TBC1D9: variants seen among roughly 807,000 people sequenced by gnomAD.
The protein encoded by TBC1D9 is TBC1 domain family member 9A.
Under a neutral mutation model 132.0 loss-of-function variants are expected in TBC1D9, and 63 were observed. The ratio of observed to expected loss-of-function variants is 0.48; its 90% CI spans 0.39 to 0.59. The LOEUF is 0.59. TBC1D9 is among the 20% of genes least tolerant of loss of function. TBC1D9 has a pLI of 0.00. For missense variants in TBC1D9, 1,261 were observed against 1,592.7 expected (o/e 0.79, Z 3.54); for synonymous variants, 610 against 609.9 (o/e 1.00, Z 0.00).
At chr4:140,753,277 A>C in intron 1 of TBC1D9, among the ~76,000 whole-genome samples, 1 of 149,754 alleles carries the variant, frequency 6.7e-6, no homozygotes, top group Middle Eastern at 3.4e-3. Flanking sequence ...TTCCTTTTCT[A>C]GCGATAAGGT....
At chr4:140,723,650 A>G (rs1738456152) in intron 1 of TBC1D9, among the ~76,000 whole-genome samples, 1 of 152,178 alleles carries the variant, frequency 6.6e-6, no homozygotes, top group African/African-American at 2.4e-5. Context: ...CCAGTCTTTA[A>G]CATAGATTCC....
chr4:140,735,512 G>A (rs1364027509), intron 1 of TBC1D9, among the ~76,000 whole-genome samples: 4 of 152,100 alleles, frequency 2.6e-5, no homozygotes, highest in Admixed American at 2.0e-4. Flanking sequence ...AAGAGTTGGA[G>A]ACTAGCCTGG....
intron 1 of TBC1D9, among the ~76,000 whole-genome samples, chr4:140,707,476 G>C (rs1738166432): frequency 6.6e-6 from 1 of 152,108 alleles, no homozygotes; most frequent in Non-Finnish European, 1.5e-5. Flanking sequence ...TTCCTCTCCA[G>C]TGCATCACTT....
At chr4:140,671,035 C>A in intron 6 of TBC1D9, 109 bp from the exon 7 acceptor site, 2 of 895,300 alleles carry the variant, frequency 2.2e-6, no homozygotes, top group Non-Finnish European at 3.5e-6. Context: ...CTATAGGAAC[C>A]ACCTATATTT....
At chr4:140,709,172 C>T (rs995099943) in intron 1 of TBC1D9, among the ~76,000 whole-genome samples, 6 of 150,456 alleles carry the variant, frequency 4.0e-5, no homozygotes, top group African/African-American at 1.5e-4. Context: ...TGTATCATGG[C>T]TGCCTTCAAG....
chr4:140,707,438 T>C (rs1197822043), intron 1 of TBC1D9, among the ~76,000 whole-genome samples: 3 of 152,220 alleles, frequency 2.0e-5, no homozygotes, highest in South Asian at 4.1e-4. Flanking sequence ...ATATCTTCTA[T>C]ACACATGCAA....
At chr4:140,732,507 T>C (rs1441767925) in intron 1 of TBC1D9, among the ~76,000 whole-genome samples, 1 of 152,268 alleles carries the variant, frequency 6.6e-6, no homozygotes, top group Non-Finnish European at 1.5e-5. Flanking sequence ...TTTAGGACAT[T>C]GTTACTGTTT....
intron 13 of TBC1D9, chr4:140,642,821 C>A (rs1448686800): frequency 1.7e-6 from 1 of 602,590 alleles, no homozygotes; most frequent in Non-Finnish European, 2.9e-6. Context: ...CCCCCTCTTG[C>A]GGGCGGGCGA....
chr4:140,623,037 C>G (rs1355299542), intron 20 of TBC1D9, 120 bp from the exon 21 acceptor site: 3 of 1,253,366 alleles, frequency 2.4e-6, no homozygotes, highest in African/African-American at 3.1e-5. Context: ...AGTCCTCCGC[C>G]TAGGCTGGAT....
At chr4:140,647,913 C>CG (rs1203328485) in intron 13 of TBC1D9, among the ~76,000 whole-genome samples, 1 of 151,624 alleles carries the variant, frequency 6.6e-6, no homozygotes, top group African/African-American at 2.4e-5. Flanking sequence ...CTCCCTCCCC[C>CG]GACTTTGGGG....
chr4:140,689,642 T>C (rs1239136079), intron 2 of TBC1D9, among the ~76,000 whole-genome samples: 8 of 9,510 alleles, frequency 8.4e-4, no homozygotes, highest in Admixed American at 3.1e-3. Context: ...CCCTTCCCTC[T>C]CCCCCCCTCT....
chr4:140,732,195 T>G (rs889898206), intron 1 of TBC1D9, among the ~76,000 whole-genome samples: 1 of 152,102 alleles, frequency 6.6e-6, no homozygotes, highest in Non-Finnish European at 1.5e-5. Flanking sequence ...GAATAACATA[T>G]AATATGCAGT....
intron 1 of TBC1D9, among the ~76,000 whole-genome samples, chr4:140,725,563 T>G (rs1176895629): frequency 2.0e-5 from 3 of 152,132 alleles, no homozygotes; most frequent in Non-Finnish European, 4.4e-5. Context: ...ATAAAGTGCA[T>G]GCTTTTTACA....
intron 1 of TBC1D9, among the ~76,000 whole-genome samples, chr4:140,743,412 A>G (rs1264521254): frequency 6.6e-6 from 1 of 152,208 alleles, no homozygotes; most frequent in Non-Finnish European, 1.5e-5. Flanking sequence ...ATTAAGCCAC[A>G]TTTTAAATAA....
rs1263405336 is a variant in TBC1D9 at position 140,669,644 on chromosome 4, T to G, written c.1427A>C (p.Asn476Thr). 1.2e-6 allele frequency: 2 copies of G among 1,606,196 alleles called. No individual in the cohort carries two copies. Among genetic ancestry groups the G allele is most frequent in the Non-Finnish European group, 1.7e-6 (2 of 1,173,644 alleles). ...GTGAGAGGCACCCACCAATTTCGGG[T>G]TGAACTCCTCGGGAGACCGCCGCCG... ...MYRRRSPEEFNPKLAKEFLKE... is the reference protein window; with the variant it reads ...MYRRRSPEEFTPKLAKEFLKE... The change falls in exon 8 of 21, where the codon AAC becomes ACC. Residue 476 changes from asparagine (N) to threonine (T), a missense_variant. Physicochemically the swap from Asn to Thr is moderately conservative, Grantham distance 65 (BLOSUM62 0). Transcript: ENST00000442267.
intron 16 of TBC1D9, among the ~76,000 whole-genome samples, chr4:140,630,549 G>C (rs1736778890): frequency 6.6e-6 from 1 of 152,084 alleles, no homozygotes; most frequent in Admixed American, 6.5e-5. Context: ...TGGTAGTTTA[G>C]GATGTTAGTC....
chr4:140,690,742 C>A (rs1249839983), intron 2 of TBC1D9, among the ~76,000 whole-genome samples: 1 of 152,026 alleles, frequency 6.6e-6, no homozygotes, highest in Non-Finnish European at 1.5e-5. Flanking sequence ...AGACTGGATT[C>A]TATGACCAGT....
chr4:140,709,242 TCTCTCTCACACACACA>T (rs1480489070), intron 1 of TBC1D9, among the ~76,000 whole-genome samples: 32 of 106,776 alleles, frequency 3.0e-4, no homozygotes, highest in African/African-American at 1.4e-3. Flanking sequence ...TCTCTCTCTC[TCTCTCTCACACACACA>T]CACACACACA....
At chr4:140,660,252 C>A (rs1364946626) in intron 10 of TBC1D9, among the ~76,000 whole-genome samples, 1 of 152,148 alleles carries the variant, frequency 6.6e-6, no homozygotes, top group Non-Finnish European at 1.5e-5. Flanking sequence ...GATTTAAATT[C>A]TAAAGTAACT....
Sources: gnomAD v4.1 joint callset for allele counts (sites outside exome capture counted in the v4.1 genomes callset) on GRCh38, gnomAD v4.1.1 for gene constraint, MANE v1.5 for transcripts, NCBI Gene and HGNC (gene_info 2026-07-23, HGNC 2026-07-21) for gene names.